The following FBH1 variants were observed in gnomAD, a reference collection of about 807,000 sequenced individuals.
The protein encoded by FBH1 is F-box DNA helicase 1.
FBH1 carries 43 observed loss-of-function variants against 115.5 expected under a neutral mutation model. The ratio of observed to expected loss-of-function variants is 0.37; its 90% confidence interval spans 0.29 to 0.48. The LOEUF (loss-of-function observed/expected upper bound fraction) is 0.48, where lower values mean the gene tolerates loss of function less well. Ranked by LOEUF, FBH1 falls within the 20% of genes least tolerant of loss-of-function variation. The pLI is 0.99. For missense variants in FBH1, 1,001 were observed against 1,337.3 expected, an observed-to-expected ratio of 0.75 and a Z score of 3.92; for synonymous variants, 524 against 507.8, an observed-to-expected ratio of 1.03 and a Z score of -0.43.
rs551728970 is a variant in FBH1, at chr10:5,926,906, C to T, written c.2723-529C>T. On this transcript the variant is annotated intron_variant, in intron 18 of 20. Transcript: ENST00000362091. The stretch of plus-strand genomic sequence containing the variant: ...GAGGTGCGGTTGAACAGCACAGACA[C>T]ACAGCACATAGCACACCTGTGTGTC... Among the ~76,000 whole-genome samples the T allele has an allele frequency of 6.6e-5, 10 of 152,360 alleles. No individual in the cohort carries two copies. The East Asian group carries it at 1.9e-3, about 29-fold the overall frequency.
chr10:5,916,047 G>A (rs1336246766), intron 9 of FBH1, 187 bp from the exon 10 acceptor site: 4 of 603,796 alleles, frequency 6.6e-6, no homozygotes, highest in African/African-American at 1.9e-5. Context: ...GTTGGTACAT[G>A]TGAGTCCTGA....
intron 19 of FBH1, among the ~76,000 whole-genome samples, chr10:5,930,894 C>T (rs1832930558): frequency 6.6e-6 from 1 of 151,956 alleles, no homozygotes; most frequent in African/African-American, 2.4e-5. Context: ...TGGGAACACG[C>T]ATGCACCATC....
In FBH1 at chr10:5,913,823, C is replaced by A. The variant is rs757193568; in HGVS notation, c.1288C>A (p.Pro430Thr). ...CTQATKVKEE[P>T]SVWPGKKTIQ... is the part of the protein sequence containing the mutation. The stretch of plus-strand genomic sequence containing the variant: ...TCAGGCCACAAAAGTTAAAGAGGAG[C>A]CATCTGTCTGGCCAGGGTATGTGTA... The change falls in exon 7 of 21, where the codon CCA (proline) becomes ACA (threonine). Residue 430 changes from proline to threonine, a missense_variant. Physicochemically the swap from Pro to Thr is conservative, Grantham distance 38. Coordinates refer to ENST00000362091, the MANE Select transcript of FBH1 (RefSeq NM_178150.3). This position sits in a 1 kb window ranked among gnomAD's most constrained non-coding sequence, Gnocchi z 4.4. 1.4e-5 allele frequency: 23 copies of A among 1,597,628 alleles called. 2 individuals carry two copies. The South Asian group carries it at 2.5e-4, about 17-fold the overall frequency.
intron 1 of FBH1, chr10:5,894,998 GC>G (rs1842930075): frequency 1.9e-6 from 3 of 1,579,394 alleles, no homozygotes; most frequent in South Asian, 1.1e-5. Context: ...CTTTTATGGT[GC>G]TGGAGTTGAG....
At chr10:5,901,651 G>A (rs1162613114) in intron 1 of FBH1, among the ~76,000 whole-genome samples, 3 of 146,460 alleles carry the variant, frequency 2.0e-5, no homozygotes, top group East Asian at 2.0e-4. Context: ...TACAACCTCC[G>A]CCTCCCGGGT....
intron 13 of FBH1, among the ~76,000 whole-genome samples, chr10:5,919,670 T>G (rs866632891): frequency 6.6e-6 from 1 of 152,204 alleles, no homozygotes; most frequent in Non-Finnish European, 1.5e-5. Context: ...TATTTCTGAT[T>G]AGAAGAGATG....
chr10:5,889,760 C>T (rs1842574380), upstream of FBH1: 1 of 158,138 alleles, frequency 6.3e-6, no homozygotes, highest in African/African-American at 2.4e-5. Context: ...GTGGGGCGCG[C>T]CGCTACACCG....
At chr10:5,892,116 G>C (rs1471108425) in intron 1 of FBH1, among the ~76,000 whole-genome samples, 1 of 152,222 alleles carries the variant, frequency 6.6e-6, no homozygotes, top group East Asian at 1.9e-4. Context: ...TGAACAGTAA[G>C]CTAATGGATG....
At position 5,915,262 on chromosome 10, in the gene FBH1, ACTT is replaced by A. The variant is rs566810487; in HGVS notation, c.1397-140_1397-138del. On this transcript the variant is annotated intron_variant, in intron 8 of 20. Transcript: ENST00000362091. The surrounding 1 kb of genome is among the most constrained non-coding windows in gnomAD (Gnocchi z 5.2). ...AATCTGCTGCTCTTTTGGTGGCACT[ACTT>A]TTACCAGCACTGAAAAACTTGTTAC... The A allele has an allele frequency of 3.9e-4, 319 of 816,356 alleles. 1 individual carries two copies. The African/African-American group carries it at 4.9e-3, about 13-fold the overall frequency. 50.6% of individuals were successfully genotyped at this position (816,356 alleles called of 1,614,324 possible).
At position 5,909,412 on chromosome 10, in the gene FBH1, C is replaced by T; in HGVS notation, c.1020+118C>T. The stretch of plus-strand genomic sequence containing the variant: ...TATTTTTAATGTCTGTATTTAATCT[C>T]TGAATGCTTTGAAGCATTCATGTTG... On this transcript the variant is annotated intron_variant, in intron 5 of 20. Coordinates refer to ENST00000362091, the MANE Select transcript of FBH1 (RefSeq NM_178150.3). This position sits in a 1 kb window ranked among gnomAD's most constrained non-coding sequence, Gnocchi z 4.4. 8.2e-7 allele frequency: 1 copy of T among 1,217,450 alleles called. No individual in the cohort carries two copies. Among genetic ancestry groups the T allele is most frequent in the Non-Finnish European group, 1.1e-6 (1 of 897,890 alleles). 75.4% of individuals were successfully genotyped at this position (1,217,450 alleles called of 1,614,324 possible). A position where few individuals can be genotyped will look rare whatever the true frequency, so the allele number is the denominator to read the frequency against.
In FBH1 at chr10:5,932,697, A is replaced by C. The variant is rs1169558976; in HGVS notation, c.2830-3759A>C. 6.6e-6 allele frequency among the ~76,000 whole-genome samples: 1 copy of C among 152,180 alleles called. No homozygotes were observed. Among genetic ancestry groups the C allele is most frequent in the Non-Finnish European group, 1.5e-5 (1 of 68,036 alleles). ...GGAATTGCTGGGTAAAGATAAATGC[A>C]AGTGTGACTTTTCTGTTGTTTTGTT... On this transcript the variant is annotated intron_variant, in intron 19 of 20. Transcript: ENST00000362091. This position sits in a 1 kb window ranked among gnomAD's most constrained non-coding sequence, Gnocchi z 5.9.
At chr10:5,922,604 C>G (rs545627414) in intron 15 of FBH1, among the ~76,000 whole-genome samples, 21 of 149,388 alleles carry the variant, frequency 1.4e-4, no homozygotes, top group Non-Finnish European at 2.8e-4. Flanking sequence ...TACACGTGAT[C>G]ACACACCTGG....
At chr10:5,890,696 C>T (rs1412311944) in intron 1 of FBH1, among the ~76,000 whole-genome samples, 2 of 152,206 alleles carry the variant, frequency 1.3e-5, no homozygotes, top group Admixed American at 6.5e-5. Context: ...GCCAGGCTTT[C>T]CCGTCTACTC....
Position 5,897,638 on chromosome 10 carries a change from G to A in FBH1, c.2-5382G>A, listed in dbSNP as rs796396198. 6.6e-6 allele frequency among the ~76,000 whole-genome samples: 1 copy of A among 152,182 alleles called. No homozygotes were observed. Among genetic ancestry groups the A allele is most frequent in the Admixed American group, 6.5e-5 (1 of 15,278 alleles). ...CTGGTAACGCCATTCCAGTTATATA[G>A]GTTACTTATCTTAGTGCACAGAGGC... On this transcript the variant is annotated intron_variant, in intron 1 of 20. Coordinates refer to ENST00000362091, the MANE Select transcript of FBH1 (RefSeq NM_178150.3). The surrounding 1 kb of genome is among the most constrained non-coding windows in gnomAD (Gnocchi z 4.7).
chr10:5,925,146 C>A lies in FBH1; in HGVS notation c.2597-221C>A. 1 of 538,840 alleles carries A rather than the reference C, an allele frequency of 1.9e-6. No individual in the cohort carries two copies. The highest frequency in any genetic ancestry group is 3.3e-6 in the Non-Finnish European group (1 of 306,616). 33.4% of individuals were successfully genotyped at this position (538,840 alleles called of 1,614,324 possible). The stretch of plus-strand genomic sequence containing the variant: ...GTGATTCCGAGAGGCGTTAACTCTC[C>A]TGCAACTAATTTTCGACTTTTCCCC... On this transcript the variant is annotated intron_variant, in intron 17 of 20. Transcript: ENST00000362091. This position sits in a 1 kb window ranked among gnomAD's most constrained non-coding sequence, Gnocchi z 4.6.
Position 5,906,148 on chromosome 10 carries a change from A to C in FBH1, c.269A>C (p.Glu90Ala), listed in dbSNP as rs1227547741. Residue 90 changes from glutamate (E) to alanine (A), a missense_variant, in exon 3 of 21, where the codon GAG becomes GCG. By Grantham distance (107) the Glu-to-Ala change is moderately radical. Around this residue, in one of 4 missense-constraint regions of FBH1, gnomAD observed 420 missense variants for 430.4 expected, o/e 0.98. Transcript: ENST00000362091. This position sits in a 1 kb window ranked among gnomAD's most constrained non-coding sequence, Gnocchi z 7.3. ...GGCCAGGACAGCTGTCAGGACTCTG[A>C]GGGTGACATGATCTTTCCTGCAGAG... Reference protein sequence around the residue: ...SVGQDSCQDSEGDMIFPAESS... With the variant: ...SVGQDSCQDSAGDMIFPAESS... 1.9e-6 allele frequency: 3 copies of C among 1,611,858 alleles called. No homozygotes were observed. In the Admixed American group the frequency reaches 5.0e-5, roughly 27 times the overall value.
At position 5,937,294 on chromosome 10, in the gene FBH1, G is replaced by A. The variant is rs763546171; in HGVS notation, c.*14G>A. ...CTCGTCTTCTGAGGACAAGGCGCACGTTCTCCGCAGTGCAGAGCAGCTTGC... is the reference window on the plus strand; with the variant it reads ...CTCGTCTTCTGAGGACAAGGCGCACATTCTCCGCAGTGCAGAGCAGCTTGC... On this transcript the variant is annotated 3_prime_UTR_variant, in exon 21 of 21. Coordinates refer to ENST00000362091, the MANE Select transcript of FBH1 (RefSeq NM_178150.3). The A allele has an allele frequency of 1.4e-5, 22 of 1,578,746 alleles. No homozygotes were observed. Among genetic ancestry groups the A allele is most frequent in the Middle Eastern group, 2.1e-4 (1 of 4,764 alleles).
At chr10:5,903,468 T>G (rs146331839) in intron 2 of FBH1, among the ~76,000 whole-genome samples, 1,780 of 147,984 alleles carry the variant, frequency 0.012, 39 homozygotes, top group African/African-American at 0.043. Context: ...GTAGCTGGGA[T>G]TGCAGGTGCG....
rs777462890 is a variant in FBH1, at chr10:5,903,005, G to A, written c.2-15G>A. 3 of 1,595,680 alleles carry A rather than the reference G, an allele frequency of 1.9e-6. No homozygotes were observed. Reference sequence around the variant, plus strand: ...AATGAATATCCCCTTTCTTCTACCTGCTGGTATGAAACAGTGAGACGGTTT... The same window carrying A: ...AATGAATATCCCCTTTCTTCTACCTACTGGTATGAAACAGTGAGACGGTTT... On this transcript the variant is annotated splice_polypyrimidine_tract_variant and intron_variant, in intron 1 of 20. Coordinates refer to ENST00000362091, the MANE Select transcript of FBH1 (RefSeq NM_178150.3).
Sources: gnomAD v4.1 joint callset for allele counts (sites outside exome capture counted in the v4.1 genomes callset) on GRCh38, gnomAD v4.1.1 for gene constraint, gnomAD v4.1.1 regional missense constraint, Gnocchi (gnomAD v3.1) non-coding constraint, MANE v1.5 for transcripts, NCBI Gene and HGNC (gene_info 2026-07-23, HGNC 2026-07-21) for gene names.